FHAD1: variants seen among roughly 807,000 people sequenced by gnomAD.
FHAD1 encodes forkhead-associated domain-containing protein 1.
Under a neutral mutation model 191.3 loss-of-function variants are expected in FHAD1, and 146 were observed. That is an observed-to-expected ratio of 0.76 (90% CI 0.67 to 0.88). The LOEUF is 0.88. FHAD1 is among the 40% of genes least tolerant of loss of function. The pLI is 0.00. For missense variants in FHAD1, 1,635 were observed against 1,785.8 expected, an observed-to-expected ratio of 0.92 and a Z score of 1.52; for synonymous variants, 616 against 672.3, an observed-to-expected ratio of 0.92 and a Z score of 1.29.
At chr1:15,237,100 G>A (rs147450611) in intron 1 of FHAD1, among the ~76,000 whole-genome samples, 39 of 152,282 alleles carry the variant, frequency 2.6e-4, no homozygotes, top group African/African-American at 7.7e-4. Flanking sequence ...CTGCAGAACT[G>A]TGAGTCAATT....
intron 16 of FHAD1, among the ~76,000 whole-genome samples, chr1:15,342,861 A>G (rs529119114): frequency 6.6e-6 from 1 of 150,756 alleles, no homozygotes; most frequent in Non-Finnish European, 1.5e-5. Flanking sequence ...GGATCTTGCA[A>G]TGTTGCCCAG....
At chr1:15,242,914 A>G (rs769280398), upstream of FHAD1, among the ~76,000 whole-genome samples, 2 of 152,192 alleles carry the variant, frequency 1.3e-5, no homozygotes, top group Non-Finnish European at 2.9e-5. Context: ...TAATCCTTTC[A>G]ATAAAATGGA....
At chr1:15,343,625 A>G (rs1687698915) in intron 16 of FHAD1, among the ~76,000 whole-genome samples, 1 of 152,210 alleles carries the variant, frequency 6.6e-6, no homozygotes, top group African/African-American at 2.4e-5. Context: ...AAAGATTAAA[A>G]AAGAAGAGCC....
chr1:15,278,625 C>T (rs890254377), intron 3 of FHAD1, among the ~76,000 whole-genome samples: 10 of 152,018 alleles, frequency 6.6e-5, no homozygotes, highest in Admixed American at 6.6e-4. Flanking sequence ...AGGTGTGTGC[C>T]ACCATGCCCA....
At chr1:15,285,116 G>A (rs1298718647) in intron 3 of FHAD1, among the ~76,000 whole-genome samples, 1 of 152,106 alleles carries the variant, frequency 6.6e-6, no homozygotes, top group Non-Finnish European at 1.5e-5. Context: ...CTGTTTCCTT[G>A]TAGTTACCAG....
At chr1:15,253,174 G>A (rs1181642008) in intron 2 of FHAD1, among the ~76,000 whole-genome samples, 3 of 139,040 alleles carry the variant, frequency 2.2e-5, no homozygotes, top group Non-Finnish European at 5.0e-5. Context: ...GTGTGTGTGT[G>A]TGTGTGTGTG....
At chr1:15,254,070 GGTCTCCC>G (rs149197009) in intron 2 of FHAD1, among the ~76,000 whole-genome samples, 99 of 152,170 alleles carry the variant, frequency 6.5e-4, no homozygotes, top group African/African-American at 2.3e-3. Context: ...TCCGTGACAT[GGTCTCCC>G]TACAAGGACA....
chr1:15,314,647 G>GA lies in FHAD1; in HGVS notation c.1170+1460_1170+1461insA. The GA allele has an allele frequency of 3.7e-4, 2 of 5,452 alleles. 1 individual carries two copies. Among genetic ancestry groups the GA allele is most frequent in the Admixed American group, 3.6e-3 (2 of 560 alleles). The allele number at this position is 5,452 out of a possible 1,614,324, so 0.3% of individuals were successfully genotyped here. Reference sequence around the variant, plus strand: ...TGTGAGGATGTATGTGGGTGTGTGGGGGTATGGATGTGTGGTGTGGGGGTG... The same window carrying GA: ...TGTGAGGATGTATGTGGGTGTGTGGGAGGTATGGATGTGTGGTGTGGGGGTG... On this transcript the variant is annotated intron_variant, in intron 8 of 33. Coordinates refer to ENST00000688493, the MANE Select transcript of FHAD1 (RefSeq NM_001391957.1).
Position 15,316,010 on chromosome 1 carries a change from G to A in FHAD1, c.1171-368G>A, listed in dbSNP as rs1423251649. On this transcript the variant is annotated intron_variant, in intron 8 of 33. Coordinates refer to ENST00000688493, the MANE Select transcript of FHAD1 (RefSeq NM_001391957.1). This position sits in a 1 kb window ranked among gnomAD's most constrained non-coding sequence, Gnocchi z 4.3. ...GCTCCCAGGGCAGTGGTGTCTTGGA[G>A]GAGTGAATTGCATGAAGCACTGAGA... Among the ~76,000 whole-genome samples the A allele has an allele frequency of 3.3e-5, 5 of 152,248 alleles. No homozygotes were observed. Among genetic ancestry groups the A allele is most frequent in the African/African-American group, 1.2e-4 (5 of 41,470 alleles).
rs999234812 is a variant in FHAD1 at position 15,311,497 on chromosome 1, C to T, written c.1040-1560C>T. On this transcript the variant is annotated intron_variant, in intron 7 of 33. Coordinates refer to ENST00000688493, the MANE Select transcript of FHAD1 (RefSeq NM_001391957.1). This position sits in a 1 kb window ranked among gnomAD's most constrained non-coding sequence, Gnocchi z 4.1. ...TCTAGAGAAAAGGTCACTCTGGTCCCGCCTCACAAAGCATGCAGGCAAGCC... is the reference window on the plus strand; with the variant it reads ...TCTAGAGAAAAGGTCACTCTGGTCCTGCCTCACAAAGCATGCAGGCAAGCC... Among the ~76,000 whole-genome samples, 9 of 152,122 alleles carry T rather than the reference C, an allele frequency of 5.9e-5. No homozygotes were observed. Among genetic ancestry groups the T allele is most frequent in the Non-Finnish European group, 5.9e-5 (4 of 68,018 alleles).
chr1:15,268,822 T>C (rs373771728), intron 2 of FHAD1, among the ~76,000 whole-genome samples: 8,071 of 150,326 alleles, frequency 0.054, 344 homozygotes, highest in South Asian at 0.2. Flanking sequence ...TCATGTCCTT[T>C]GCCCACTTTT....
In FHAD1 at chr1:15,276,156, G is replaced by T. The variant is rs1479839604; in HGVS notation, c.300+3627G>T. 6.6e-6 allele frequency among the ~76,000 whole-genome samples: 1 copy of T among 152,220 alleles called. No homozygotes were observed. Among genetic ancestry groups the T allele is most frequent in the Non-Finnish European group, 1.5e-5 (1 of 68,042 alleles). On this transcript the variant is annotated intron_variant, in intron 3 of 33. Coordinates refer to ENST00000688493, the MANE Select transcript of FHAD1 (RefSeq NM_001391957.1). This position sits in a 1 kb window ranked among gnomAD's most constrained non-coding sequence, Gnocchi z 4.7. Reference sequence around the variant, plus strand: ...TGCACAAGTTGCTTCACCTCTCAAAGCCTCAGTTCCCATTTCTGTAAAATT... The same window carrying T: ...TGCACAAGTTGCTTCACCTCTCAAATCCTCAGTTCCCATTTCTGTAAAATT...
In FHAD1 at chr1:15,384,631, G is replaced by A. The variant is rs1445774276; in HGVS notation, c.4188+2438G>A. On this transcript the variant is annotated intron_variant, in intron 31 of 33. Transcript: ENST00000688493. ...AATGCGGGCTGGCCAGCCTTCCACC[G>A]AGCGGGAGGAGGAAGGTCCGAAGCG... The A allele has an allele frequency of 2.6e-5, 4 of 152,200 alleles. No homozygotes were observed. In the East Asian group the frequency reaches 5.8e-4, roughly 22 times the overall value. 9.4% of individuals were successfully genotyped at this position (152,200 alleles called of 1,614,324 possible). A position where few individuals can be genotyped will look rare whatever the true frequency, so the allele number is the denominator to read the frequency against.
intron 22 of FHAD1, 26 bp downstream of exon 22, chr1:15,360,729 A>G: frequency 6.5e-7 from 1 of 1,541,354 alleles, no homozygotes; most frequent in Non-Finnish European, 8.8e-7. Context: ...GGCCAAGGAA[A>G]TCTTAGTGTT....
In FHAD1 at chr1:15,316,242, G is replaced by A; in HGVS notation, c.1171-136G>A. 1.5e-6 allele frequency: 1 copy of A among 666,124 alleles called. No homozygotes were observed. The highest frequency in any genetic ancestry group is 2.7e-5 in the East Asian group (1 of 36,390). 41.3% of individuals were successfully genotyped at this position (666,124 alleles called of 1,614,324 possible). A position where few individuals can be genotyped will look rare whatever the true frequency, so the allele number is the denominator to read the frequency against. On this transcript the variant is annotated intron_variant, in intron 8 of 33. Transcript: ENST00000688493. This position sits in a 1 kb window ranked among gnomAD's most constrained non-coding sequence, Gnocchi z 4.3. Reference sequence around the variant, plus strand: ...TCAGACACCATGGGATGCCTTTTGGGATCTCAGTGCGTGACTGGATGGAAA... The same window carrying A: ...TCAGACACCATGGGATGCCTTTTGGAATCTCAGTGCGTGACTGGATGGAAA...
At chr1:15,326,831 G>C in intron 11 of FHAD1, 1 of 500,098 alleles carries the variant, frequency 2.0e-6, no homozygotes. Context: ...CACAGGCATC[G>C]TTCGGGTTAG....
At chr1:15,363,329 C>T (rs1398034851) in intron 23 of FHAD1, among the ~76,000 whole-genome samples, 5 of 152,200 alleles carry the variant, frequency 3.3e-5, no homozygotes, top group Non-Finnish European at 7.3e-5. Context: ...ATTGTACCTT[C>T]GTGACCCAAT....
At chr1:15,293,697 G>A (rs572320694) in intron 4 of FHAD1, among the ~76,000 whole-genome samples, 64 of 152,140 alleles carry the variant, frequency 4.2e-4, no homozygotes, top group Admixed American at 8.5e-4. Context: ...CAGCCTGGGC[G>A]GACAGAGCAA....
rs1700957562 is a variant in FHAD1, at chr1:15,381,767, G to A, written c.4023-261G>A. Among the ~76,000 whole-genome samples the A allele has an allele frequency of 6.6e-6, 1 of 152,008 alleles. No homozygotes were observed. The highest frequency in any genetic ancestry group is 1.5e-5 in the Non-Finnish European group (1 of 68,026). Reference sequence around the variant, plus strand: ...ATTGACAGCTCCGTCATATTTTCAAGAGTCGCAGTTCCCCACTCCCCAGGA... The same window carrying A: ...ATTGACAGCTCCGTCATATTTTCAAAAGTCGCAGTTCCCCACTCCCCAGGA... On this transcript the variant is annotated intron_variant, in intron 30 of 33. Transcript: ENST00000688493. This position sits in a 1 kb window ranked among gnomAD's most constrained non-coding sequence, Gnocchi z 4.6.
Sources: gnomAD v4.1 joint callset for allele counts (sites outside exome capture counted in the v4.1 genomes callset) on GRCh38, gnomAD v4.1.1 for gene constraint, Gnocchi (gnomAD v3.1) non-coding constraint, MANE v1.5 for transcripts, NCBI Gene and HGNC (gene_info 2026-07-23, HGNC 2026-07-21) for gene names.